Variants in TMEM126B observed in about 807,000 individuals in gnomAD.
The protein encoded by TMEM126B is complex I assembly factor TMEM126B, mitochondrial.
A neutral mutation model predicts 16.5 loss-of-function variants in TMEM126B; 19 were observed. That is an observed-to-expected ratio of 1.15 (90% confidence interval 0.80 to 1.69). TMEM126B has a LOEUF of 1.69. TMEM126B is among the 40% of genes most tolerant of loss of function. The pLI is 0.00. For synonymous variants in TMEM126B, 104 were observed against 93.2 expected, an observed-to-expected ratio of 1.12 and a Z score of -0.67; for missense variants, 293 against 278.7, an observed-to-expected ratio of 1.05 and a Z score of -0.37.
At chr11:85,630,333 C>A (rs545212767) in intron 1 of TMEM126B, among the ~76,000 whole-genome samples, 1 of 152,304 alleles carries the variant, frequency 6.6e-6, no homozygotes, top group African/African-American at 2.4e-5. Flanking sequence ...ATCCTCTTGT[C>A]TAGGACTCCT....
At chr11:85,631,110 T>G (rs1346573893) in intron 1 of TMEM126B, 1 of 1,279,422 alleles carries the variant, frequency 7.8e-7, no homozygotes, top group Non-Finnish European at 1.0e-6. Flanking sequence ...CTCACTATTC[T>G]CCAAGGCAAT....
chr11:85,634,044 T>G lies in TMEM126B; in HGVS notation c.204-42T>G, dbSNP rs773243140. ...TTCAGGAGAGGCTGTATCCATTAAG[T>G]TCAATGGTATAGTGAACTGAATTTT... On this transcript the variant is annotated intron_variant, in intron 2 of 4. Transcript: ENST00000358867. 1.9e-5 allele frequency: 28 copies of G among 1,441,864 alleles called. 1 individual carries two copies. In the Middle Eastern group the frequency reaches 5.4e-4, roughly 28 times the overall value. The allele number at this position is 1,441,864 out of a possible 1,614,324, so 89.3% of individuals were successfully genotyped here.
chr11:85,629,291 A>G, intron 1 of TMEM126B: 1 of 1,226,654 alleles, frequency 8.2e-7, no homozygotes, highest in South Asian at 1.3e-5. Flanking sequence ...TGAAAAATTT[A>G]TTATTAGGTA....
chr11:85,634,550 A>T, intron 3 of TMEM126B: 1 of 329,448 alleles, frequency 3.0e-6, no homozygotes, highest in South Asian at 3.7e-5. Flanking sequence ...TGGCTGTGGC[A>T]TACAACGCAC....
At chr11:85,629,323 T>A in intron 1 of TMEM126B, 1 of 1,049,132 alleles carries the variant, frequency 9.5e-7, no homozygotes, top group Non-Finnish European at 1.3e-6. Context: ...ATGAAAGCAC[T>A]ACAAAACCGT....
At chr11:85,635,968 T>C in intron 4 of TMEM126B, 78 bp from the exon 5 acceptor site, 2 of 1,430,678 alleles carry the variant, frequency 1.4e-6, no homozygotes, top group Non-Finnish European at 1.9e-6. Flanking sequence ...GAAAGGCAAT[T>C]ATCAATTTAG....
intron 3 of TMEM126B, 99 bp downstream of exon 3, chr11:85,634,378 A>G: frequency 1.2e-6 from 1 of 844,008 alleles, no homozygotes; most frequent in East Asian, 2.7e-5. Flanking sequence ...CTTTACATTT[A>G]TATATTGCTA....
At chr11:85,628,850 G>C (rs925942509) in intron 1 of TMEM126B, among the ~76,000 whole-genome samples, 162 bp downstream of exon 1, 8 of 152,238 alleles carry the variant, frequency 5.3e-5, no homozygotes, top group Non-Finnish European at 5.9e-5. Flanking sequence ...TGTGGAAAGA[G>C]GCGGAGAGAA....
chr11:85,635,629 A>C, intron 3 of TMEM126B, 38 bp from the exon 4 acceptor site: 2 of 1,456,552 alleles, frequency 1.4e-6, no homozygotes, highest in Non-Finnish European at 1.9e-6. Flanking sequence ...ATAGCTCTTG[A>C]GTTTTAAAGG....
intron 4 of TMEM126B, 43 bp downstream of exon 4, chr11:85,635,821 C>CTT (rs58671332): frequency 9.5e-3 from 8,162 of 862,600 alleles, no homozygotes; most frequent in South Asian, 0.016. Context: ...CTTTTCTTTT[C>CTT]TTTTTTTTTT....
At chr11:85,629,377 T>C in intron 1 of TMEM126B, 1 of 609,208 alleles carries the variant, frequency 1.6e-6, no homozygotes, top group East Asian at 6.7e-5. Context: ...GCACTCTTAC[T>C]GGTATAAGCG....
intron 2 of TMEM126B, 111 bp downstream of exon 2, chr11:85,631,919 A>G (rs892962335): frequency 4.4e-6 from 5 of 1,142,700 alleles, no homozygotes; most frequent in Admixed American, 3.3e-5. Flanking sequence ...CTAAGATCCT[A>G]TTCTTTGAGT....
At chr11:85,629,706 A>G (rs889903980) in intron 1 of TMEM126B, among the ~76,000 whole-genome samples, 1 of 152,174 alleles carries the variant, frequency 6.6e-6, no homozygotes, top group South Asian at 2.1e-4. Context: ...TACTCATGTT[A>G]TTGACGTCTG....
At chr11:85,635,620 T>G (rs1412029381) in intron 3 of TMEM126B, 47 bp from the exon 4 acceptor site, 2 of 1,346,506 alleles carry the variant, frequency 1.5e-6, no homozygotes, top group East Asian at 4.6e-5. Flanking sequence ...ACTGTCTTAA[T>G]AGCTCTTGAG....
chr11:85,631,829 G>A (rs151235178), intron 2 of TMEM126B, 21 bp downstream of exon 2: 8 of 1,580,310 alleles, frequency 5.1e-6, no homozygotes, highest in Middle Eastern at 1.7e-4. Flanking sequence ...TGCCCAGGCT[G>A]AAAATCAGTC....
At chr11:85,631,143 A>G in intron 1 of TMEM126B, 1 of 1,290,316 alleles carries the variant, frequency 7.8e-7, no homozygotes, top group Non-Finnish European at 1.0e-6. Flanking sequence ...CTACCTCTCT[A>G]GGAAATGAAA....
In TMEM126B at chr11:85,628,616, G is replaced by A. The variant is rs756980256; in HGVS notation, c.9G>A (p.Val3=). ...TCACATGAGCCACCAAAATGGTGGT[G>A]TTCGGGTATGAGGCTGGGACTAAGC... MV[V]FGYEAGTKPR... Residue 3 remains valine (V), a synonymous_variant, in exon 1 of 5, where the codon GTG becomes GTA. Transcript: ENST00000358867. The A allele has an allele frequency of 6.5e-7, 1 of 1,536,126 alleles. No homozygotes were observed. The highest frequency in any genetic ancestry group is 1.2e-5 in the South Asian group (1 of 84,062).
At chr11:85,630,280 T>C (rs949926862) in intron 1 of TMEM126B, among the ~76,000 whole-genome samples, 4 of 152,224 alleles carry the variant, frequency 2.6e-5, no homozygotes, top group African/African-American at 9.6e-5. Context: ...GAACCACTGA[T>C]TTATTAAGTA....
chr11:85,630,011 T>C (rs2082250131), intron 1 of TMEM126B, among the ~76,000 whole-genome samples: 1 of 152,206 alleles, frequency 6.6e-6, no homozygotes, highest in Non-Finnish European at 1.5e-5. Context: ...ACCTTCTGTA[T>C]GTTGATGCCA....
Sources: gnomAD v4.1 joint callset for allele counts (sites outside exome capture counted in the v4.1 genomes callset) on GRCh38, gnomAD v4.1.1 for gene constraint, MANE v1.5 for transcripts, NCBI Gene and HGNC (gene_info 2026-07-23, HGNC 2026-07-21) for gene names.